ZFPM2: variants seen among roughly 807,000 people sequenced by gnomAD.
The protein encoded by ZFPM2 is zinc finger protein ZFPM2.
In ZFPM2, 20 loss-of-function variants were observed where a neutral mutation model predicts 98.6. That is an observed-to-expected ratio of 0.20 (90% CI 0.14 to 0.29). ZFPM2 has a LOEUF of 0.29. Among genes scored for constraint, ZFPM2 ranks in the 10% least tolerant of loss-of-function variants. The probability of loss-of-function intolerance (pLI) is 1.00; values close to 1 mark genes in which losing one functional copy is unlikely to be tolerated. For synonymous variants in ZFPM2, 518 were observed against 502.7 expected, an observed-to-expected ratio of 1.03 and a Z score of -0.41; for missense variants, 1,310 against 1,388.6, an observed-to-expected ratio of 0.94 and a Z score of 0.90.
chr8:105,653,852 A>C (rs190366758), intron 5 of ZFPM2, among the ~76,000 whole-genome samples: 28 of 56,250 alleles, frequency 5.0e-4, no homozygotes, highest in Non-Finnish European at 9.6e-4. Context: ...CTTGTGTGCT[A>C]TCTTTTTTTT....
At chr8:105,677,512 A>C (rs2130914735) in intron 5 of ZFPM2, among the ~76,000 whole-genome samples, 1 of 152,122 alleles carries the variant, frequency 6.6e-6, no homozygotes, top group Non-Finnish European at 1.5e-5. Context: ...TCAACAAATA[A>C]GTGTCTCTGG....
In ZFPM2 at chr8:105,803,595, T is replaced by C; in HGVS notation, c.*57T>C. 1.3e-6 allele frequency: 2 copies of C among 1,506,232 alleles called. No individual in the cohort carries two copies. Among genetic ancestry groups the C allele is most frequent in the Non-Finnish European group, 9.0e-7 (1 of 1,111,362 alleles). 93.3% of individuals were successfully genotyped at this position (1,506,232 alleles called of 1,614,324 possible). On this transcript the variant is annotated 3_prime_UTR_variant, in exon 8 of 8. Transcript: ENST00000407775. ...GTGTTTAGTATGTTGTTCTAACCAG[T>C]CCAGAAAAAAAAATAAGCTGTTTGA...
At chr8:105,585,482 G>C (rs914378607) in intron 4 of ZFPM2, among the ~76,000 whole-genome samples, 1 of 152,162 alleles carries the variant, frequency 6.6e-6, no homozygotes, top group Non-Finnish European at 1.5e-5. Context: ...GATTCATAGA[G>C]AGTAATTTTA....
intron 1 of ZFPM2, among the ~76,000 whole-genome samples, chr8:105,380,817 TATA>T (rs1371519089): frequency 1.3e-5 from 1 of 78,644 alleles, no homozygotes; most frequent in Non-Finnish European, 2.1e-5. Flanking sequence ...ATATAATATA[TATA>T]ATATATAATA....
intron 1 of ZFPM2, among the ~76,000 whole-genome samples, chr8:105,351,354 C>CGTGTGTGTGTGT (rs139105567): frequency 1.6e-4 from 23 of 144,754 alleles, no homozygotes; most frequent in African/African-American, 3.7e-4. Flanking sequence ...TGCATTATTT[C>CGTGTGTGTGTGT]GTGTGTGTGT....
At chr8:105,486,637 C>T (rs1346989527) in intron 3 of ZFPM2, among the ~76,000 whole-genome samples, 1 of 152,128 alleles carries the variant, frequency 6.6e-6, no homozygotes, top group Non-Finnish European at 1.5e-5. Context: ...AAATTTACAT[C>T]ATATAAGAAA....
At chr8:105,554,471 G>A (rs1171591588) in intron 3 of ZFPM2, among the ~76,000 whole-genome samples, 1 of 152,122 alleles carries the variant, frequency 6.6e-6, no homozygotes, top group East Asian at 1.9e-4. Flanking sequence ...AACTCAGCAT[G>A]ACTTCGGGGC....
chr8:105,607,728 CTG>C (rs935508585), intron 4 of ZFPM2, among the ~76,000 whole-genome samples: 2 of 152,092 alleles, frequency 1.3e-5, no homozygotes, highest in Non-Finnish European at 1.5e-5. Context: ...GTTCACTCTC[CTG>C]TGTGTTCCTG....
chr8:105,567,509 A>C (rs184823006), intron 4 of ZFPM2, among the ~76,000 whole-genome samples: 1 of 151,972 alleles, frequency 6.6e-6, no homozygotes, highest in Non-Finnish European at 1.5e-5. Flanking sequence ...CATTTTGTGG[A>C]CCTCTTCCCT....
At chr8:105,797,961 T>TTTTG (rs1366928431) in intron 6 of ZFPM2, 2 of 152,218 alleles carry the variant, frequency 1.3e-5, no homozygotes, top group Admixed American at 6.5e-5. Context: ...TCATCTTTCA[T>TTTTG]TTTGTTTTAT....
chr8:105,613,310 G>A (rs1816345162), intron 4 of ZFPM2, among the ~76,000 whole-genome samples: 1 of 152,016 alleles, frequency 6.6e-6, no homozygotes, highest in Non-Finnish European at 1.5e-5. Context: ...GACGGGGCTG[G>A]GAGGAGTGAG....
intron 3 of ZFPM2, among the ~76,000 whole-genome samples, chr8:105,555,862 G>T (rs72673745): frequency 6.6e-6 from 1 of 152,110 alleles, no homozygotes; most frequent in African/African-American, 2.4e-5. Flanking sequence ...GCCAGATAGC[G>T]GGAACCATTC....
chr8:105,799,942 T>C (rs1035819024), intron 7 of ZFPM2, among the ~76,000 whole-genome samples: 1 of 152,188 alleles, frequency 6.6e-6, no homozygotes, highest in African/African-American at 2.4e-5. Flanking sequence ...GTAGGTCATT[T>C]CCTTTCTGCT....
chr8:105,727,144 G>C (rs1367228545), intron 5 of ZFPM2, among the ~76,000 whole-genome samples: 4 of 151,356 alleles, frequency 2.6e-5, no homozygotes, highest in Non-Finnish European at 5.9e-5. Context: ...TGTTACCTGG[G>C]ATTTTGGTTG....
At chr8:105,351,149 C>T (rs1812634683) in intron 1 of ZFPM2, among the ~76,000 whole-genome samples, 1 of 147,656 alleles carries the variant, frequency 6.8e-6, no homozygotes, top group Non-Finnish European at 1.5e-5. Context: ...CACGATTGCA[C>T]TCCACAGAGT....
chr8:105,349,881 C>T (rs1183265645), intron 1 of ZFPM2, among the ~76,000 whole-genome samples: 1 of 152,050 alleles, frequency 6.6e-6, no homozygotes, highest in Non-Finnish European at 1.5e-5. Flanking sequence ...GCCTTCTTGA[C>T]TTTCATTTTG....
intron 5 of ZFPM2, among the ~76,000 whole-genome samples, chr8:105,763,023 A>G (rs1812768008): frequency 6.6e-6 from 1 of 151,506 alleles, no homozygotes; most frequent in African/African-American, 2.4e-5. Flanking sequence ...GAGAAAAAAT[A>G]AAAATAACAT....
intron 4 of ZFPM2, among the ~76,000 whole-genome samples, chr8:105,627,575 G>C (rs1157870388): frequency 6.6e-6 from 1 of 152,134 alleles, no homozygotes; most frequent in East Asian, 1.9e-4. Context: ...AAAAAATGGA[G>C]AAAAACTTTG....
At chr8:105,474,747 C>A (rs188222985) in intron 3 of ZFPM2, among the ~76,000 whole-genome samples, 4 of 152,088 alleles carry the variant, frequency 2.6e-5, no homozygotes, top group Admixed American at 6.5e-5. Context: ...AAATCAAAGC[C>A]GTTAAAACCA....
Sources: gnomAD v4.1 joint callset for allele counts (sites outside exome capture counted in the v4.1 genomes callset) on GRCh38, gnomAD v4.1.1 for gene constraint, MANE v1.5 for transcripts, NCBI Gene and HGNC (gene_info 2026-07-23, HGNC 2026-07-21) for gene names.